Variants in SKAP1 observed in about 807,000 individuals in gnomAD.
SKAP1 encodes src kinase associated phosphoprotein 1.
A neutral mutation model predicts 58.5 loss-of-function variants in SKAP1; 44 were observed. The ratio of observed to expected loss-of-function variants is 0.75; its 90% CI spans 0.59 to 0.97. SKAP1 has a LOEUF of 0.97. Ranked by LOEUF, SKAP1 falls within the 50% of genes least tolerant of loss-of-function variation. The pLI, the probability that SKAP1 is intolerant of heterozygous loss-of-function variation, is 0.00. For missense variants in SKAP1, 390 were observed against 435.2 expected (o/e 0.90, Z 0.92); for synonymous variants, 127 against 149.7 (o/e 0.85, Z 1.11).
intron 3 of SKAP1, among the ~76,000 whole-genome samples, chr17:48,361,595 A>G (rs1042044664): frequency 2.0e-5 from 3 of 152,204 alleles, no homozygotes; most frequent in African/African-American, 7.2e-5. Flanking sequence ...CCTTCCAGGC[A>G]CCAGACCTGG....
At chr17:48,282,276 T>A (rs933541947) in intron 4 of SKAP1, among the ~76,000 whole-genome samples, 1 of 152,224 alleles carries the variant, frequency 6.6e-6, no homozygotes, top group Non-Finnish European at 1.5e-5. Flanking sequence ...TATCAACTCA[T>A]GGCCAATTCT....
intron 2 of SKAP1, among the ~76,000 whole-genome samples, chr17:48,379,812 G>C (rs1404585331): frequency 6.6e-6 from 1 of 151,648 alleles, no homozygotes; most frequent in Admixed American, 6.6e-5. Flanking sequence ...CTCCTGAGTA[G>C]CTGGGATTAC....
intron 1 of SKAP1, among the ~76,000 whole-genome samples, chr17:48,408,948 G>A (rs2067625991): frequency 6.6e-6 from 1 of 152,172 alleles, no homozygotes; most frequent in Admixed American, 6.5e-5. Context: ...TCCCTCGATA[G>A]GTCACCTCTC....
chr17:48,294,472 CAT>C (rs993047022), intron 4 of SKAP1: 1 of 152,158 alleles, frequency 6.6e-6, no homozygotes, highest in African/African-American at 2.4e-5. Flanking sequence ...ACAACAGAGA[CAT>C]AAGCATATAG....
At chr17:48,239,830 GAGAGAGAGAGAGAGAGAGAC>G (rs1164692274) in intron 4 of SKAP1, among the ~76,000 whole-genome samples, 11 of 62,574 alleles carry the variant, frequency 1.8e-4, no homozygotes, top group Admixed American at 1.2e-3. Flanking sequence ...TAATTAGAAT[GAGAGAGAGAGAGAGAGAGAC>G]AGAGAGAGAG....
At chr17:48,385,340 G>C (rs989260002) in intron 2 of SKAP1, among the ~76,000 whole-genome samples, 2 of 151,738 alleles carry the variant, frequency 1.3e-5, no homozygotes, top group African/African-American at 4.8e-5. Flanking sequence ...AAAAATAGAT[G>C]CAAAGACAGT....
At chr17:48,209,214 T>G (rs1311014865) in intron 4 of SKAP1, among the ~76,000 whole-genome samples, 1 of 152,184 alleles carries the variant, frequency 6.6e-6, no homozygotes, top group Non-Finnish European at 1.5e-5. Flanking sequence ...ATCAAAAACT[T>G]AAGTACTGCT....
the SKAP1 span, among the ~76,000 whole-genome samples, chr17:48,441,163 A>T: frequency 1.3e-5 from 2 of 152,240 alleles, no homozygotes; most frequent in Admixed American, 1.3e-4. Flanking sequence ...CTAAGATGAG[A>T]TTCATAGGGT....
intron 4 of SKAP1, among the ~76,000 whole-genome samples, chr17:48,275,124 G>A (rs2065682849): frequency 6.6e-6 from 1 of 152,124 alleles, no homozygotes; most frequent in Non-Finnish European, 1.5e-5. Context: ...TTCCAGTAAA[G>A]CAATCTGTAC....
intron 4 of SKAP1, chr17:48,295,589 C>T (rs2065957461): frequency 6.6e-6 from 1 of 151,232 alleles, no homozygotes; most frequent in Non-Finnish European, 1.5e-5. Context: ...CTTCAGTTTC[C>T]AAAGCCTCTC....
At chr17:48,227,832 C>T (rs536776876) in intron 4 of SKAP1, among the ~76,000 whole-genome samples, 6 of 152,242 alleles carry the variant, frequency 3.9e-5, no homozygotes, top group South Asian at 2.1e-4. Context: ...GCGAACTGAT[C>T]AATTTCTCTG....
intron 3 of SKAP1, among the ~76,000 whole-genome samples, chr17:48,357,098 G>A (rs1163726836): frequency 6.6e-6 from 1 of 152,124 alleles, no homozygotes; most frequent in East Asian, 1.9e-4. Context: ...CATTTAGGCT[G>A]TCTGTTTGCT....
At chr17:48,383,952 C>T (rs2067247753) in intron 2 of SKAP1, among the ~76,000 whole-genome samples, 1 of 152,026 alleles carries the variant, frequency 6.6e-6, no homozygotes, top group Admixed American at 6.6e-5. Flanking sequence ...TCTCAAACTC[C>T]TGACCTCAAG....
chr17:48,272,139 C>CTTTT (rs11384992), intron 4 of SKAP1, among the ~76,000 whole-genome samples: 1 of 147,470 alleles, frequency 6.8e-6, no homozygotes, highest in Non-Finnish European at 1.5e-5. Context: ...AATTGTCTTC[C>CTTTT]TTTTTTTTTT....
intron 4 of SKAP1, among the ~76,000 whole-genome samples, chr17:48,206,723 A>C (rs1328838315): frequency 2.0e-5 from 3 of 152,172 alleles, no homozygotes; most frequent in Non-Finnish European, 4.4e-5. Flanking sequence ...AGTGTGGAAG[A>C]GACACATCAG....
At chr17:48,180,408 G>A (rs2064352989) in intron 8 of SKAP1, among the ~76,000 whole-genome samples, 160 bp from the exon 9 acceptor site, 1 of 152,208 alleles carries the variant, frequency 6.6e-6, no homozygotes, top group Admixed American at 6.5e-5. Context: ...GGCTTTGGTG[G>A]CAGGAAATCT....
intron 4 of SKAP1, among the ~76,000 whole-genome samples, chr17:48,305,695 A>G (rs2066130713): frequency 6.6e-6 from 1 of 152,226 alleles, no homozygotes; most frequent in African/African-American, 2.4e-5. Context: ...TTAGAACACT[A>G]GTGCCTGCTA....
intron 4 of SKAP1, among the ~76,000 whole-genome samples, chr17:48,224,391 A>G (rs2065044165): frequency 6.6e-6 from 1 of 152,192 alleles, no homozygotes; most frequent in African/African-American, 2.4e-5. Flanking sequence ...CAGGTCCTTT[A>G]AACTGGAGAG....
intron 4 of SKAP1, among the ~76,000 whole-genome samples, chr17:48,238,950 C>T (rs1035578409): frequency 1.3e-5 from 2 of 151,744 alleles, no homozygotes; most frequent in African/African-American, 4.8e-5. Context: ...TGAAAGATGC[C>T]CAGAAAAAGA....
Sources: gnomAD v4.1 joint callset for allele counts (sites outside exome capture counted in the v4.1 genomes callset) on GRCh38, gnomAD v4.1.1 for gene constraint, MANE v1.5 for transcripts, NCBI Gene and HGNC (gene_info 2026-07-23, HGNC 2026-07-21) for gene names.